Variants in MEPE observed in about 807,000 individuals in gnomAD.
MEPE encodes matrix, extracellular phosphoglycoprotein with ASARM motif (bone).
Under a neutral mutation model 7.3 loss-of-function variants are expected in MEPE, and 7 were observed. The ratio of observed to expected loss-of-function variants is 0.95; its 90% confidence interval spans 0.54 to 1.79. The LOEUF (loss-of-function observed/expected upper bound fraction) is 1.79. MEPE is among the 40% of genes most tolerant of loss of function. The pLI, the probability that MEPE is intolerant of heterozygous loss-of-function variation, is 0.00. For missense variants in MEPE, 623 were observed against 628.2 expected (o/e 0.99, Z 0.09); for synonymous variants, 214 against 213.1 (o/e 1.00, Z -0.04).
chr4:87,828,500 TA>T (rs959958608), upstream of MEPE, among the ~76,000 whole-genome samples: 11 of 150,938 alleles, frequency 7.3e-5, no homozygotes, highest in Non-Finnish European at 1.2e-4. Context: ...ATACTAAGTT[TA>T]AAAAAAAATG....
intron 1 of MEPE, among the ~76,000 whole-genome samples, chr4:87,824,898 A>G (rs1376518091): frequency 1.3e-5 from 2 of 152,110 alleles, no homozygotes; most frequent in African/African-American, 4.8e-5. Flanking sequence ...CCCAGGCTGG[A>G]GTGCAGTGGT....
chr4:87,845,798 A>C lies in MEPE; in HGVS notation c.930A>C (p.Glu310Asp), dbSNP rs756004959. 3.2e-5 allele frequency: 52 copies of C among 1,613,958 alleles called. No individual in the cohort carries two copies. The highest frequency in any genetic ancestry group is 4.2e-5 in the Non-Finnish European group (50 of 1,179,964). ...GTTATAATGAGATCCCAGAGAGAGAAGAAAATGGTGGAAATACCATTGGAA... is the reference window on the plus strand; with the variant it reads ...GTTATAATGAGATCCCAGAGAGAGACGAAAATGGTGGAAATACCATTGGAA... ...KPGYNEIPER[E>D]ENGGNTIGTR... Residue 310 changes from glutamate (E) to aspartate (D), a missense_variant, in exon 4 of 4, where the codon GAA becomes GAC. By Grantham distance (45) the Glu-to-Asp change is conservative (BLOSUM62 2). Transcript: ENST00000361056.
intron 2 of MEPE, 61 bp from the exon 3 acceptor site, chr4:87,838,571 G>T: frequency 7.0e-7 from 1 of 1,438,232 alleles, no homozygotes; most frequent in Non-Finnish European, 9.7e-7. Context: ...ACATTTGTTT[G>T]AAGAAGTTAA....
At chr4:87,833,257 T>C (rs1445298533) in intron 1 of MEPE, among the ~76,000 whole-genome samples, 2 of 152,150 alleles carry the variant, frequency 1.3e-5, no homozygotes, top group African/African-American at 4.8e-5. Flanking sequence ...ATTAGCATTA[T>C]CAAGATCCAC....
At chr4:87,829,324 C>T (rs1325189287), upstream of MEPE, among the ~76,000 whole-genome samples, 1 of 152,042 alleles carries the variant, frequency 6.6e-6, no homozygotes, top group East Asian at 1.9e-4. Context: ...TAGCTACTGC[C>T]AGTTCACCCC....
chr4:87,845,701 G>C lies in MEPE; in HGVS notation c.833G>C (p.Gly278Ala). Residue 278 changes from glycine to alanine, a missense_variant, in exon 4 of 4, where the codon GGC becomes GCC. Transcript: ENST00000361056. ...GAAGCTACTGGTCCTGACCTAGAAGGCAAAGATATTCAAACAGGGTTTGCA... is the reference window on the plus strand; with the variant it reads ...GAAGCTACTGGTCCTGACCTAGAAGCCAAAGATATTCAAACAGGGTTTGCA... ...KGEATGPDLE[G>A]KDIQTGFAGP... 6.2e-7 allele frequency: 1 copy of C among 1,613,744 alleles called. No individual in the cohort carries two copies.
chr4:87,845,782 A>G lies in MEPE; in HGVS notation c.914A>G (p.Glu305Gly). The G allele has an allele frequency of 6.2e-7, 1 of 1,614,064 alleles. No individual in the cohort carries two copies. The highest frequency in any genetic ancestry group is 2.2e-5 in the East Asian group (1 of 44,874). Residue 305 changes from glutamate to glycine, a missense_variant, in exon 4 of 4, where the codon GAG (glutamate) becomes GGG (glycine). Physicochemically the swap from Glu to Gly is moderately conservative, Grantham distance 98 (BLOSUM62 -2). Coordinates refer to ENST00000361056, the MANE Select transcript of MEPE (RefSeq NM_020203.6). Reference sequence around the variant, plus strand: ...GACACAAAAAAGCCAGGTTATAATGAGATCCCAGAGAGAGAAGAAAATGGT... The same window carrying G: ...GACACAAAAAAGCCAGGTTATAATGGGATCCCAGAGAGAGAAGAAAATGGT... ...HLDTKKPGYN[E>G]IPEREENGGN... is the part of the protein sequence containing the mutation.
At chr4:87,841,781 G>A (rs985964932) in intron 3 of MEPE, among the ~76,000 whole-genome samples, 1 of 152,126 alleles carries the variant, frequency 6.6e-6, no homozygotes, top group Non-Finnish European at 1.5e-5. Context: ...CACACAGCCC[G>A]AGGATGACAC....
At chr4:87,834,815 C>T (rs11097173) in intron 2 of MEPE, 47 bp downstream of exon 2, 304,018 of 1,510,282 alleles carry the variant, frequency 0.2, 33,098 homozygotes, top group Non-Finnish European at 0.23. Flanking sequence ...CTCTTGCTCT[C>T]TTCATTTGTT....
Position 87,846,179 on chromosome 4 carries a change from C to T in MEPE, c.1311C>T (p.Pro437=). 6.2e-7 allele frequency: 1 copy of T among 1,613,962 alleles called. No homozygotes were observed. ...GTAAGGGCAAAAGTCAGGGCCTGCC[C>T]ATTCCTTCTCGTGGTCTTGATAATG... is the stretch of plus-strand genomic sequence containing the variant. ...FPSKGKSQGL[P]IPSRGLDNEI... Residue 437 remains proline, a synonymous_variant, in exon 4 of 4, where the codon CCC becomes CCT. Transcript: ENST00000361056.
At chr4:87,826,078 A>G in intron 1 of MEPE, among the ~76,000 whole-genome samples, 1 of 152,058 alleles carries the variant, frequency 6.6e-6, no homozygotes, top group East Asian at 1.9e-4. Context: ...TTCTTTATCC[A>G]GTATATCATT....
In MEPE at chr4:87,845,204, G is replaced by A. The variant is rs1017446593; in HGVS notation, c.336G>A (p.Leu112=). 1.9e-6 allele frequency: 3 copies of A among 1,613,884 alleles called. No homozygotes were observed. Among genetic ancestry groups the A allele is most frequent in the African/African-American group, 1.3e-5 (1 of 74,900 alleles). Residue 112 remains leucine, a synonymous_variant, in exon 4 of 4, where the codon CTG becomes CTA. Coordinates refer to ENST00000361056, the MANE Select transcript of MEPE (RefSeq NM_020203.6). The stretch of plus-strand genomic sequence containing the variant: ...ACAAAGAGAATACTCACAATGGCCT[G>A]AGGATGTCAATTTATCCTAAGTCAA... ...ISNKENTHNG[L]RMSIYPKSTG... is the part of the protein sequence containing the mutation.
chr4:87,830,278 C>A (rs62317034), upstream of MEPE, among the ~76,000 whole-genome samples: 1 of 152,102 alleles, frequency 6.6e-6, no homozygotes, highest in South Asian at 2.1e-4. Context: ...CACATGCACA[C>A]GGCTGTTCAT....
intron 1 of MEPE, among the ~76,000 whole-genome samples, chr4:87,826,719 T>C (rs983057059): frequency 1.3e-5 from 2 of 152,184 alleles, no homozygotes; most frequent in African/African-American, 4.8e-5. Context: ...GTGGTTTTGA[T>C]TTGCATTTCT....
upstream of MEPE, among the ~76,000 whole-genome samples, chr4:87,831,666 C>T (rs1001646187): frequency 2.0e-5 from 3 of 152,110 alleles, no homozygotes; most frequent in African/African-American, 7.2e-5. Flanking sequence ...TTTCTTCTCA[C>T]TCATAGCAAT....
chr4:87,831,181 G>C (rs1722590018), upstream of MEPE, among the ~76,000 whole-genome samples: 1 of 152,006 alleles, frequency 6.6e-6, no homozygotes, highest in South Asian at 2.1e-4. Context: ...TATTTTGGTA[G>C]CCAGTTTGGG....
intron 3 of MEPE, among the ~76,000 whole-genome samples, chr4:87,842,438 C>G (rs1357096949): frequency 6.6e-6 from 1 of 152,094 alleles, no homozygotes; most frequent in Non-Finnish European, 1.5e-5. Flanking sequence ...AAGTGGTTGT[C>G]AAAAAGCACA....
chr4:87,823,889 G>A (rs1183234366), intron 1 of MEPE, among the ~76,000 whole-genome samples: 1 of 152,210 alleles, frequency 6.6e-6, no homozygotes, highest in Non-Finnish European at 1.5e-5. Flanking sequence ...CATGTACAGT[G>A]TAGCAAATAT....
At chr4:87,829,213 A>ATTTT (rs368539610), upstream of MEPE, among the ~76,000 whole-genome samples, 73 of 149,756 alleles carry the variant, frequency 4.9e-4, no homozygotes, top group South Asian at 0.015. Flanking sequence ...ATAGGCTCTC[A>ATTTT]TTTTTTTTTG....
Sources: gnomAD v4.1 joint callset for allele counts (sites outside exome capture counted in the v4.1 genomes callset) on GRCh38, gnomAD v4.1.1 for gene constraint, MANE v1.5 for transcripts, NCBI Gene and HGNC (gene_info 2026-07-23, HGNC 2026-07-21) for gene names.